RPF2: variants seen among roughly 807,000 people sequenced by gnomAD.
RPF2 encodes ribosome production factor 2 homolog.
Under a neutral mutation model 38.9 loss-of-function variants are expected in RPF2, and 21 were observed. That is an observed-to-expected ratio of 0.54 (90% CI 0.38 to 0.78). The LOEUF (loss-of-function observed/expected upper bound fraction) is 0.78, where lower values mean the gene tolerates loss of function less well. Among genes scored for constraint, RPF2 ranks in the 30% least tolerant of loss-of-function variants. RPF2 has a pLI of 0.00. For synonymous variants in RPF2, 121 were observed against 126.2 expected (o/e 0.96, Z 0.28); for missense variants, 314 against 358.1 (o/e 0.88, Z 0.99).
At chr6:110,990,551 A>T (rs573678221) in intron 3 of RPF2, among the ~76,000 whole-genome samples, 1 of 139,334 alleles carries the variant, frequency 7.2e-6, no homozygotes, top group Non-Finnish European at 1.5e-5. Context: ...TCTGTTTGGC[A>T]ATTGGGAACC....
At chr6:111,010,010 T>C (rs1274036832) in intron 7 of RPF2, among the ~76,000 whole-genome samples, 2 of 152,234 alleles carry the variant, frequency 1.3e-5, no homozygotes, top group Non-Finnish European at 2.9e-5. Flanking sequence ...CTTAGCATTC[T>C]GCAATTATAT....
intron 8 of RPF2, among the ~76,000 whole-genome samples, chr6:111,023,265 G>T (rs758567552): frequency 5.3e-5 from 8 of 152,172 alleles, no homozygotes; most frequent in Non-Finnish European, 1.0e-4. Context: ...CAGATCCAGA[G>T]CTGTTTAGAC....
At chr6:111,003,849 G>A (rs774062597) in intron 6 of RPF2, among the ~76,000 whole-genome samples, 2 of 152,040 alleles carry the variant, frequency 1.3e-5, no homozygotes, top group Non-Finnish European at 2.9e-5. Context: ...TTTTGTTCTT[G>A]TTGCCCAGAC....
chr6:110,993,771 C>G lies in RPF2; in HGVS notation c.234+1985C>G, dbSNP rs1012708565. Among the ~76,000 whole-genome samples the G allele has an allele frequency of 5.3e-5, 8 of 152,150 alleles. No individual in the cohort carries two copies. The East Asian group carries it at 1.5e-3, about 29-fold the overall frequency. The stretch of plus-strand genomic sequence containing the variant: ...TTTATTAGCTATCTGAATCCCAGAC[C>G]TACGGAGCTCAAAATGGCTATGGAA... On this transcript the variant is annotated intron_variant, in intron 4 of 9. Coordinates refer to ENST00000441448, the MANE Select transcript of RPF2 (RefSeq NM_032194.3).
chr6:111,015,024 C>T (rs1031935858), intron 7 of RPF2, among the ~76,000 whole-genome samples: 1 of 152,144 alleles, frequency 6.6e-6, no homozygotes, highest in Non-Finnish European at 1.5e-5. Context: ...GCAATTCGCC[C>T]GCCTCAGTCT....
chr6:110,996,128 T>C (rs1015049129), intron 4 of RPF2, among the ~76,000 whole-genome samples: 26 of 151,266 alleles, frequency 1.7e-4, no homozygotes, highest in African/African-American at 4.6e-4. Flanking sequence ...AGATAAGTTT[T>C]TTTTTTTTTT....
In RPF2 at chr6:111,025,421, A is replaced by G. The variant is rs746216577; in HGVS notation, c.760A>G (p.Ile254Val). ...KALKPKKKKN[I>V]SHDTFGTTYG... ...ATCGTAGCCAAAGAAGAAGAAAAAT[A>G]TTTCCCATGATACTTTTGGTACAAC... is the stretch of plus-strand genomic sequence containing the variant. Residue 254 changes from isoleucine (I) to valine (V), a missense_variant, in exon 10 of 10, where the codon ATT (isoleucine) becomes GTT (valine). Transcript: ENST00000441448. 49 of 1,604,128 alleles carry G rather than the reference A, an allele frequency of 3.1e-5. No individual in the cohort carries two copies. The highest frequency in any genetic ancestry group is 6.7e-5 in the African/African-American group (5 of 74,420).
At chr6:110,983,234 G>C (rs1292557610) in intron 1 of RPF2, among the ~76,000 whole-genome samples, 3 of 152,186 alleles carry the variant, frequency 2.0e-5, no homozygotes, top group African/African-American at 7.2e-5. Flanking sequence ...GAACAGAAGT[G>C]TGTAAAAACA....
chr6:111,008,273 A>G, intron 7 of RPF2, 136 bp downstream of exon 7: 7 of 980,556 alleles, frequency 7.1e-6, no homozygotes, highest in Non-Finnish European at 9.4e-6. Context: ...TATACTTAAA[A>G]TAATGGAGTG....
In RPF2 at chr6:110,985,018, G is replaced by A. The variant is rs772098489; in HGVS notation, c.36G>A (p.Thr12=). The A allele has an allele frequency of 7.4e-6, 12 of 1,611,106 alleles. No homozygotes were observed. The highest frequency in any genetic ancestry group is 1.1e-5 in the South Asian group (1 of 90,796). Residue 12 remains threonine (T), a synonymous_variant, in exon 2 of 10, where the codon ACG becomes ACA. Transcript: ENST00000441448. ...DTLDRVVKPK[T]KRAKRFLEKR... Reference sequence around the variant, plus strand: ...CTTTTCTGAACAGAAAGCCCAAAACGAAAAGAGCCAAGAGATTCCTTGAGA... The same window carrying A: ...CTTTTCTGAACAGAAAGCCCAAAACAAAAAGAGCCAAGAGATTCCTTGAGA...
chr6:111,014,732 A>T (rs1173555755), intron 7 of RPF2, among the ~76,000 whole-genome samples: 1 of 152,228 alleles, frequency 6.6e-6, no homozygotes. Context: ...TAAAATTAAG[A>T]TATCACACTT....
rs1243508805 is a variant in RPF2 at position 111,027,789 on chromosome 6, A to G, written c.*2207A>G. 2 of 152,264 alleles carry G rather than the reference A, an allele frequency of 1.3e-5. No individual in the cohort carries two copies. The highest frequency in any genetic ancestry group is 4.8e-5 in the African/African-American group (2 of 41,476). 9.4% of individuals were successfully genotyped at this position (152,264 alleles called of 1,614,324 possible). On this transcript the variant is annotated 3_prime_UTR_variant, in exon 10 of 10. Coordinates refer to ENST00000441448, the MANE Select transcript of RPF2 (RefSeq NM_032194.3). ...ATTGGAATGCTTCCTATTTGCTGAT[A>G]GAAGTACCAAATAGTATTATTGAAG...
At chr6:110,989,188 T>A in intron 3 of RPF2, 123 bp downstream of exon 3, 1 of 995,194 alleles carries the variant, frequency 1.0e-6, no homozygotes, top group Non-Finnish European at 1.3e-6. Flanking sequence ...TTACAGTTAT[T>A]AATATTTTAA....
chr6:111,008,666 T>C (rs1483996286), intron 7 of RPF2, among the ~76,000 whole-genome samples: 1 of 152,148 alleles, frequency 6.6e-6, no homozygotes, highest in Non-Finnish European at 1.5e-5. Flanking sequence ...TTAATTAGTT[T>C]TTCTGAGTTG....
intron 7 of RPF2, 123 bp downstream of exon 7, chr6:111,008,260 T>G: frequency 9.3e-7 from 1 of 1,078,294 alleles, no homozygotes; most frequent in South Asian, 2.4e-5. Flanking sequence ...AAAATAATAT[T>G]TATATACTTA....
At chr6:111,007,766 G>A (rs575802774) in intron 6 of RPF2, among the ~76,000 whole-genome samples, 7 of 151,858 alleles carry the variant, frequency 4.6e-5, no homozygotes, top group Admixed American at 2.6e-4. Context: ...CCAGCATGAT[G>A]AAACCCAGTC....
intron 8 of RPF2, among the ~76,000 whole-genome samples, chr6:111,018,748 A>G (rs924127524): frequency 6.6e-6 from 1 of 152,196 alleles, no homozygotes; most frequent in Non-Finnish European, 1.5e-5. Flanking sequence ...AATGATCATA[A>G]GATGTAATTA....
At chr6:111,020,888 CG>C (rs1438928746) in intron 8 of RPF2, among the ~76,000 whole-genome samples, 1 of 151,946 alleles carries the variant, frequency 6.6e-6, no homozygotes, top group Non-Finnish European at 1.5e-5. Context: ...GCAGTAAGGC[CG>C]GGCACGGTGG....
chr6:111,012,890 A>G (rs1219872330), intron 7 of RPF2, among the ~76,000 whole-genome samples: 2 of 152,092 alleles, frequency 1.3e-5, no homozygotes, highest in Non-Finnish European at 2.9e-5. Context: ...AGCTGGTCTC[A>G]AGCTCCTGGC....
Sources: gnomAD v4.1 joint callset for allele counts (sites outside exome capture counted in the v4.1 genomes callset) on GRCh38, gnomAD v4.1.1 for gene constraint, MANE v1.5 for transcripts, NCBI Gene and HGNC (gene_info 2026-07-23, HGNC 2026-07-21) for gene names.